Variants in GALNT9 observed in about 807,000 individuals in gnomAD.
The protein encoded by GALNT9 is GalNAc transferase 9.
A neutral mutation model predicts 63.1 loss-of-function variants in GALNT9; 47 were observed. The observed-to-expected ratio is 0.75, with a 90% confidence interval of 0.59 to 0.95. The LOEUF is 0.95. GALNT9 is among the 40% of genes least tolerant of loss of function. GALNT9 has a pLI of 0.00. For missense variants in GALNT9, 829 were observed against 874.8 expected, an observed-to-expected ratio of 0.95 and a Z score of 0.66; for synonymous variants, 396 against 365.7, an observed-to-expected ratio of 1.08 and a Z score of -0.94.
chr12:132,269,742 G>A (rs1181597953), intron 2 of GALNT9, among the ~76,000 whole-genome samples: 1 of 152,268 alleles, frequency 6.6e-6, no homozygotes, highest in African/African-American at 2.4e-5. Context: ...GACGCGTGGG[G>A]CCGGATCCCG....
chr12:132,313,962 C>T (rs1555245482), intron 1 of GALNT9, among the ~76,000 whole-genome samples: 2 of 123,798 alleles, frequency 1.6e-5, no homozygotes, highest in African/African-American at 6.3e-5. Flanking sequence ...ATCCATCCAC[C>T]CATCCATCCA....
chr12:132,217,305 C>A (rs1351376511), intron 6 of GALNT9, among the ~76,000 whole-genome samples: 1 of 151,226 alleles, frequency 6.6e-6, no homozygotes, highest in Non-Finnish European at 1.5e-5. Flanking sequence ...AGCCAGCCAT[C>A]AATCCATCCA....
chr12:132,248,068 G>A lies in GALNT9; in HGVS notation c.960-41C>T, dbSNP rs1555238253. On this transcript the variant is annotated intron_variant, in intron 5 of 10. Transcript: ENST00000328957. ...AGCGGCGTGAGGACCTCGCCATGCA[G>A]GCCTGAGCCCTGCCTGCTGGGCCAT... 8 of 1,523,134 alleles carry A rather than the reference G, an allele frequency of 5.3e-6. No homozygotes were observed. The South Asian group carries it at 7.6e-5, about 15-fold the overall frequency. The allele number at this position is 1,523,134 out of a possible 1,614,324, so 94.4% of individuals were successfully genotyped here. A position where few individuals can be genotyped will look rare whatever the true frequency, so the allele number is the denominator to read the frequency against.
In GALNT9 at chr12:132,257,707, T is replaced by G; in HGVS notation, c.941A>C (p.Asp314Ala). The change falls in exon 5 of 11, where the codon GAC becomes GCC. Residue 314 changes from aspartate to alanine, a missense_variant. Asp to Ala is a moderately radical substitution (Grantham distance 126). Transcript: ENST00000328957. ...AGCTCACCTGATGGGTGCTGACTCG[T>G]CGCCGCGGTCCAGCCAGTCCTGCGG... The part of the protein sequence containing the change: ...IPPQDWLDRG[D>A]ESAPIRTPAM... 6.5e-7 allele frequency: 1 copy of G among 1,549,744 alleles called. No homozygotes were observed. The highest frequency in any genetic ancestry group is 2.4e-5 in the East Asian group (1 of 40,878).
intron 6 of GALNT9, among the ~76,000 whole-genome samples, chr12:132,209,207 A>G (rs1389634122): frequency 6.6e-6 from 1 of 152,122 alleles, no homozygotes; most frequent in Non-Finnish European, 1.5e-5. Context: ...CACAAGACAC[A>G]GGTCACAAAG....
rs562558456 is a variant in GALNT9, at chr12:132,201,071, A to G, written c.1401+53T>C. On this transcript the variant is annotated intron_variant, in intron 8 of 10. Coordinates refer to ENST00000328957, the MANE Select transcript of GALNT9 (RefSeq NM_001122636.2). ...CACCCTGAATGCATACGTGTGCAGG[A>G]GTCAGGGCAGAAAGCCTGTCGGGCC... The G allele has an allele frequency of 3.3e-5, 52 of 1,557,592 alleles. No individual in the cohort carries two copies. The African/African-American group carries it at 6.5e-4, about 19-fold the overall frequency.
chr12:132,324,977 G>C (rs1555246428), intron 1 of GALNT9, among the ~76,000 whole-genome samples: 1 of 152,234 alleles, frequency 6.6e-6, no homozygotes, highest in African/African-American at 2.4e-5. Context: ...GCTTCCCAAA[G>C]CAGGGGCTGC....
At chr12:132,324,993 G>GGTGGGCCCAGCTTGCAGACATGGCT (rs1410812262) in intron 1 of GALNT9, among the ~76,000 whole-genome samples, 2 of 152,182 alleles carry the variant, frequency 1.3e-5, no homozygotes, top group Admixed American at 6.5e-5. Context: ...GCTGCGTCCC[G>GGTGGGCCCAGCTTGCAGACATGGCT]GTGGGCCCAG....
chr12:132,329,579 T>G lies in GALNT9; in HGVS notation c.-376A>C, dbSNP rs2135597249. Among the ~76,000 whole-genome samples the G allele has an allele frequency of 6.8e-6, 1 of 146,300 alleles. No individual in the cohort carries two copies. Among genetic ancestry groups the G allele is most frequent in the Admixed American group, 6.7e-5 (1 of 14,838 alleles). On this transcript the variant is annotated 5_prime_UTR_variant, in exon 1 of 11. Transcript: ENST00000328957. ...GCCCGCCCCGCAGCCACCGCGCCGG[T>G]GCAGAGTGACGCGGCCTCACCTCAC...
At chr12:132,266,758 G>C (rs554774533) in intron 2 of GALNT9, among the ~76,000 whole-genome samples, 2 of 152,210 alleles carry the variant, frequency 1.3e-5, no homozygotes, top group South Asian at 4.1e-4. Context: ...TCTGCTCTCG[G>C]ACTTGGGGCC....
chr12:132,291,526 GCACCCA>G (rs1880845795), intron 1 of GALNT9, among the ~76,000 whole-genome samples: 2 of 135,392 alleles, frequency 1.5e-5, no homozygotes, highest in Non-Finnish European at 3.2e-5. Flanking sequence ...CACATCCACA[GCACCCA>G]CGTCCACACC....
At chr12:132,210,628 C>T (rs1381770223) in intron 6 of GALNT9, among the ~76,000 whole-genome samples, 2 of 152,154 alleles carry the variant, frequency 1.3e-5, no homozygotes, top group African/African-American at 2.4e-5. Context: ...GCTTGAGGCC[C>T]GAGCCCCGTC....
chr12:132,202,638 G>A (rs964131671), intron 7 of GALNT9, among the ~76,000 whole-genome samples: 2 of 151,422 alleles, frequency 1.3e-5, no homozygotes, highest in African/African-American at 4.9e-5. Context: ...GCTGGGTCAT[G>A]ACTTAAGATC....
At chr12:132,217,730 TCATC>T (rs1234826244) in intron 6 of GALNT9, among the ~76,000 whole-genome samples, 6 of 132,540 alleles carry the variant, frequency 4.5e-5, no homozygotes, top group Non-Finnish European at 7.9e-5. Flanking sequence ...CCACACGCAC[TCATC>T]CATCCATCCA....
chr12:132,197,777 TC>T lies in GALNT9; in HGVS notation c.1665+14del. On this transcript the variant is annotated intron_variant, in intron 10 of 10. Transcript: ENST00000328957. ...CCCGCCCCAACCCCACGGCCCCCCT[TC>T]CCCAGAGGCTGACCTGGGTGAAGTC... is the stretch of plus-strand genomic sequence containing the variant. The T allele has an allele frequency of 7.1e-7, 1 of 1,416,442 alleles. No homozygotes were observed. The highest frequency in any genetic ancestry group is 2.1e-4 in the Middle Eastern group (1 of 4,656). 87.7% of individuals were successfully genotyped at this position (1,416,442 alleles called of 1,614,324 possible). A position where few individuals can be genotyped will look rare whatever the true frequency, so the allele number is the denominator to read the frequency against.
At chr12:132,261,898 GA>G (rs113749014) in intron 3 of GALNT9, among the ~76,000 whole-genome samples, 9,444 of 152,274 alleles carry the variant, frequency 0.062, 977 homozygotes, top group African/African-American at 0.21. Flanking sequence ...CAGGGGACCT[GA>G]AGCTGAGGAG....
chr12:132,212,876 AC>A, intron 6 of GALNT9, among the ~76,000 whole-genome samples: 2 of 84,252 alleles, frequency 2.4e-5, no homozygotes, highest in Non-Finnish European at 4.6e-5. Flanking sequence ...CAGCCCTCAG[AC>A]CTCGACACGG....
intron 6 of GALNT9, among the ~76,000 whole-genome samples, chr12:132,224,756 A>G (rs1877581824): frequency 8.7e-6 from 1 of 115,398 alleles, no homozygotes; most frequent in South Asian, 3.1e-4. Context: ...CCCCTCCCAC[A>G]CCCCACACTG....
intron 1 of GALNT9, among the ~76,000 whole-genome samples, chr12:132,326,859 G>A (rs1475211047): frequency 1.3e-5 from 2 of 152,196 alleles, no homozygotes; most frequent in Non-Finnish European, 2.9e-5. Context: ...ACATCAGAGC[G>A]GGTAATGCTG....
Sources: allele counts gnomAD v4.1 joint callset (sites outside exome capture counted in the v4.1 genomes callset), GRCh38; gene constraint gnomAD v4.1.1; transcripts MANE v1.5; gene names NCBI Gene and HGNC (gene_info 2026-07-23, HGNC 2026-07-21).